PDS5B: variants seen among roughly 807,000 people sequenced by gnomAD.
PDS5B encodes the protein sister chromatid cohesion protein PDS5 homolog B.
Under a neutral mutation model 184.1 loss-of-function variants are expected in PDS5B, and 51 were observed. The ratio of observed to expected loss-of-function variants is 0.28; its 90% CI spans 0.22 to 0.35. PDS5B has a LOEUF of 0.35. PDS5B is among the 10% of genes least tolerant of loss of function. The pLI, the probability that PDS5B is intolerant of heterozygous loss-of-function variation, is 1.00. For missense variants in PDS5B, 1,180 were observed against 1,723.3 expected (o/e 0.68, Z 5.58); for synonymous variants, 566 against 569.2 (o/e 0.99, Z 0.08).
chr13:32,724,769 C>T (rs1593526957), intron 19 of PDS5B, among the ~76,000 whole-genome samples: 1 of 152,104 alleles, frequency 6.6e-6, no homozygotes, highest in African/African-American at 2.4e-5. Flanking sequence ...TTTGTAGAGA[C>T]AGAGTTTCAC....
chr13:32,637,189 A>T (rs1213978176), intron 1 of PDS5B, among the ~76,000 whole-genome samples: 3 of 141,620 alleles, frequency 2.1e-5, no homozygotes, highest in Non-Finnish European at 3.1e-5. Flanking sequence ...GATGTGGTGT[A>T]GATTTATGTT....
At chr13:32,646,394 C>A (rs1369384685) in intron 1 of PDS5B, among the ~76,000 whole-genome samples, 5 of 33,008 alleles carry the variant, frequency 1.5e-4, no homozygotes, top group African/African-American at 6.4e-4. Context: ...TTTTTTTTTG[C>A]CCCCATTGTA....
chr13:32,760,321 C>T (rs1954338812), intron 29 of PDS5B, among the ~76,000 whole-genome samples: 1 of 152,162 alleles, frequency 6.6e-6, no homozygotes, highest in Non-Finnish European at 1.5e-5. Flanking sequence ...GTTGATTATT[C>T]ATTTCATTTG....
At chr13:32,713,754 A>G (rs116597048) in intron 19 of PDS5B, among the ~76,000 whole-genome samples, 43 of 152,348 alleles carry the variant, frequency 2.8e-4, no homozygotes, top group African/African-American at 9.6e-4. Context: ...CAAGAAAATA[A>G]TAATAAATTT....
At chr13:32,723,542 A>C (rs1173391105) in intron 19 of PDS5B, among the ~76,000 whole-genome samples, 1 of 115,608 alleles carries the variant, frequency 8.6e-6, no homozygotes, top group Non-Finnish European at 1.9e-5. Context: ...GAATTCTTAA[A>C]ATTTTTTCTT....
rs1332873607 is a variant in PDS5B at position 32,659,143 on chromosome 13, T to C, written c.498-11T>C. The C allele has an allele frequency of 5.9e-6, 9 of 1,521,116 alleles. No individual in the cohort carries two copies. The highest frequency in any genetic ancestry group is 7.1e-6 in the Non-Finnish European group (8 of 1,122,148). 94.2% of individuals were successfully genotyped at this position (1,521,116 alleles called of 1,614,324 possible). ...AGTTGTAATTGAAACAAAATCTGTT[T>C]TGAATTGCAGCAATGGCCACAATCA... is the stretch of plus-strand genomic sequence containing the variant. On this transcript the variant is annotated splice_polypyrimidine_tract_variant and intron_variant, in intron 5 of 34. Transcript: ENST00000315596.
chr13:32,644,628 A>G (rs1289553834), intron 1 of PDS5B, among the ~76,000 whole-genome samples: 1 of 152,222 alleles, frequency 6.6e-6, no homozygotes, highest in Non-Finnish European at 1.5e-5. Flanking sequence ...GTTCCTGAAC[A>G]CAAAGCTTTT....
chr13:32,588,443 G>T (rs963864169), intron 1 of PDS5B, among the ~76,000 whole-genome samples: 1 of 152,128 alleles, frequency 6.6e-6, no homozygotes, highest in African/African-American at 2.4e-5. Flanking sequence ...TACCAAAATA[G>T]TGACTTTTTC....
chr13:32,717,727 A>C (rs1593503225), intron 19 of PDS5B, among the ~76,000 whole-genome samples: 1 of 150,924 alleles, frequency 6.6e-6, no homozygotes, highest in East Asian at 1.9e-4. Flanking sequence ...AATTAAAAAA[A>C]AAAAAAAAGC....
intron 10 of PDS5B, among the ~76,000 whole-genome samples, chr13:32,679,318 T>A (rs1951166208): frequency 6.6e-6 from 1 of 152,196 alleles, no homozygotes; most frequent in Non-Finnish European, 1.5e-5. Flanking sequence ...CTAGTAATTG[T>A]TCCTGGAGAC....
intron 24 of PDS5B, among the ~76,000 whole-genome samples, chr13:32,749,229 T>C (rs938071326): frequency 6.6e-6 from 1 of 152,210 alleles, no homozygotes; most frequent in Non-Finnish European, 1.5e-5. Context: ...TTTAATTTTC[T>C]CTTTACTCTC....
chr13:32,679,116 C>G (rs749878394), intron 10 of PDS5B, among the ~76,000 whole-genome samples, 187 bp downstream of exon 10: 1 of 149,974 alleles, frequency 6.7e-6, no homozygotes, highest in Non-Finnish European at 1.5e-5. Context: ...GACAAGGTCT[C>G]GCTATGTTGC....
chr13:32,679,080 A>ATTTT (rs1193182357), intron 10 of PDS5B, 151 bp downstream of exon 10: 2 of 362,298 alleles, frequency 5.5e-6, no homozygotes, highest in African/African-American at 2.2e-5. Flanking sequence ...CTGAAGCTAG[A>ATTTT]TTTTTTTTTT....
At chr13:32,622,510 G>T (rs959663320) in intron 1 of PDS5B, among the ~76,000 whole-genome samples, 1 of 152,094 alleles carries the variant, frequency 6.6e-6, no homozygotes, top group Admixed American at 6.5e-5. Flanking sequence ...GACTGTGTAA[G>T]GGTACAAAGC....
intron 34 of PDS5B, among the ~76,000 whole-genome samples, chr13:32,773,814 G>GT (rs1220045321): frequency 6.6e-6 from 1 of 151,838 alleles, no homozygotes; most frequent in Non-Finnish European, 1.5e-5. Flanking sequence ...TGACTTTTTT[G>GT]TTTTTGAGAC....
At chr13:32,605,746 G>T (rs2058050482) in intron 1 of PDS5B, among the ~76,000 whole-genome samples, 1 of 151,948 alleles carries the variant, frequency 6.6e-6, no homozygotes, top group Non-Finnish European at 1.5e-5. Context: ...TATGAATCTG[G>T]GTGCTCCTGT....
rs148038343 is a variant in PDS5B, at chr13:32,645,424, T to G, written c.-19-3330T>G. Among the ~76,000 whole-genome samples, 686 of 152,360 alleles carry G rather than the reference T, an allele frequency of 4.5e-3. 1 individual carries two copies. Among genetic ancestry groups the G allele is most frequent in the Non-Finnish European group, 8.4e-3 (574 of 68,028 alleles). ...TATTTCTTCCTTTATTTGACAGGACTCACTAGTAAAGCCATCTAGACTTGG... is the reference window on the plus strand; with the variant it reads ...TATTTCTTCCTTTATTTGACAGGACGCACTAGTAAAGCCATCTAGACTTGG... On this transcript the variant is annotated intron_variant, in intron 1 of 34. Coordinates refer to ENST00000315596, the MANE Select transcript of PDS5B (RefSeq NM_015032.4).
At chr13:32,640,508 A>G (rs1369565080) in intron 1 of PDS5B, among the ~76,000 whole-genome samples, 1 of 152,090 alleles carries the variant, frequency 6.6e-6, no homozygotes, top group Non-Finnish European at 1.5e-5. Context: ...TGGGCTCCCA[A>G]AGTGCTGAGA....
At chr13:32,681,393 C>T (rs749992395) in intron 10 of PDS5B, among the ~76,000 whole-genome samples, 4 of 151,994 alleles carry the variant, frequency 2.6e-5, no homozygotes, top group African/African-American at 7.2e-5. Context: ...GAGGCCGAGG[C>T]GGGCAGATTG....
Sources: allele counts gnomAD v4.1 joint callset (sites outside exome capture counted in the v4.1 genomes callset), GRCh38; gene constraint gnomAD v4.1.1; transcripts MANE v1.5; gene names NCBI Gene and HGNC (gene_info 2026-07-23, HGNC 2026-07-21).